Variants in MTG2 observed in about 807,000 individuals in gnomAD.
MTG2 encodes the protein mitochondrial ribosome associated GTPase 2.
Under a neutral mutation model 28.6 loss-of-function variants are expected in MTG2, and 23 were observed. The ratio of observed to expected loss-of-function variants is 0.80; its 90% CI spans 0.58 to 1.14. The LOEUF (loss-of-function observed/expected upper bound fraction) is 1.14. Ranked by LOEUF, MTG2 falls within the 50% of genes most tolerant of loss-of-function variation. MTG2 has a pLI of 0.00. For synonymous variants in MTG2, 260 were observed against 251.8 expected (o/e 1.03, Z -0.31); for missense variants, 539 against 552.0 (o/e 0.98, Z 0.24).
intron 1 of MTG2, among the ~76,000 whole-genome samples, chr20:62,193,144 A>T (rs1284900735): frequency 1.3e-5 from 2 of 152,214 alleles, no homozygotes; most frequent in Non-Finnish European, 2.9e-5. Flanking sequence ...GCTATTCCAT[A>T]AGAGGATGTG....
Position 62,200,703 on chromosome 20 carries a change from A to C in MTG2, c.847A>C (p.Ile283Leu), listed in dbSNP as rs2058152045. ...TGCAGTGGCCGACATCCCCGGCATC[A>C]TACGAGGCGCCCACCAGAACAGGGG... ...QIAVADIPGI[I>L]RGAHQNRGLG... Residue 283 changes from isoleucine to leucine, a missense_variant, in exon 7 of 7, where the codon ATA (isoleucine) becomes CTA (leucine). Coordinates refer to ENST00000370823, the MANE Select transcript of MTG2 (RefSeq NM_015666.4). 2.5e-6 allele frequency: 4 copies of C among 1,610,794 alleles called. No homozygotes were observed. The highest frequency in any genetic ancestry group is 2.2e-5 in the South Asian group (2 of 91,004).
rs141597583 is a variant in MTG2, at chr20:62,199,137, G to A, written c.706G>A (p.Gly236Arg). Reference protein sequence around the residue: ...HAGMVGFPNAGKSSLLRAISN... With the variant: ...HAGMVGFPNARKSSLLRAISN... ...CCCCCAGGTGGGATTCCCCAACGCCGGGAAGTCCTCACTGCTCCGGGCCAT... is the reference window on the plus strand; with the variant it reads ...CCCCCAGGTGGGATTCCCCAACGCCAGGAAGTCCTCACTGCTCCGGGCCAT... The change falls in exon 6 of 7, where the codon GGG becomes AGG. Residue 236 changes from glycine (G) to arginine (R), a missense_variant. Physicochemically the swap from Gly to Arg is moderately radical, Grantham distance 125. Coordinates refer to ENST00000370823, the MANE Select transcript of MTG2 (RefSeq NM_015666.4). 183 of 1,614,094 alleles carry A rather than the reference G, an allele frequency of 1.1e-4. No individual in the cohort carries two copies. The African/African-American group carries it at 1.6e-3, about 14-fold the overall frequency.
chr20:62,199,098 C>T (rs771720806), intron 5 of MTG2, 21 bp from the exon 6 acceptor site: 17 of 1,613,042 alleles, frequency 1.1e-5, no homozygotes, highest in Admixed American at 6.7e-5. Context: ...GCCGTGCCAC[C>T]GTCTTCCCTC....
intron 2 of MTG2, among the ~76,000 whole-genome samples, chr20:62,195,260 T>A (rs2058038718): frequency 6.6e-6 from 1 of 152,146 alleles, no homozygotes; most frequent in African/African-American, 2.4e-5. Context: ...CCTCACCACA[T>A]TTTTTAAATG....
chr20:62,200,711 C>T lies in MTG2; in HGVS notation c.855C>T (p.Gly285=), dbSNP rs772798244. ...CCGACATCCCCGGCATCATACGAGG[C>T]GCCCACCAGAACAGGGGTCTGGGGT... ...AVADIPGIIR[G]AHQNRGLGSA... Residue 285 remains glycine, a synonymous_variant, in exon 7 of 7, where the codon GGC becomes GGT. Coordinates refer to ENST00000370823, the MANE Select transcript of MTG2 (RefSeq NM_015666.4). The T allele has an allele frequency of 1.7e-5, 28 of 1,611,724 alleles. No homozygotes were observed. Among genetic ancestry groups the T allele is most frequent in the Admixed American group, 8.4e-5 (5 of 59,804 alleles).
chr20:62,183,892 C>T (rs918114820), intron 1 of MTG2, among the ~76,000 whole-genome samples: 1 of 152,118 alleles, frequency 6.6e-6, no homozygotes, highest in Non-Finnish European at 1.5e-5. Flanking sequence ...GGCCTTAGTC[C>T]CTTGGGAAGT....
intron 2 of MTG2, 165 bp downstream of exon 2, chr20:62,193,789 C>T (rs990191829): frequency 1.6e-5 from 11 of 701,038 alleles, no homozygotes; most frequent in Admixed American, 6.1e-5. Context: ...CGCAGGCCTG[C>T]GTGCTAAATC....
In MTG2 at chr20:62,201,359, C is replaced by A; in HGVS notation, c.*282C>A. On this transcript the variant is annotated 3_prime_UTR_variant, in exon 7 of 7. Transcript: ENST00000370823. ...CACCCCTAATAAGGGGTTGGGGTGC[C>A]CATAACGGGGTGGCCCTGCCGCTGA... 2.2e-6 allele frequency: 1 copy of A among 453,352 alleles called. No individual in the cohort carries two copies. Among genetic ancestry groups the A allele is most frequent in the Non-Finnish European group, 3.9e-6 (1 of 253,236 alleles). The allele number at this position is 453,352 out of a possible 1,614,324, so 28.1% of individuals were successfully genotyped here.
At chr20:62,193,265 G>A (rs1480304807) in intron 1 of MTG2, among the ~76,000 whole-genome samples, 151 bp from the exon 2 acceptor site, 1 of 152,192 alleles carries the variant, frequency 6.6e-6, no homozygotes, top group Non-Finnish European at 1.5e-5. Context: ...GGGCCGAGAG[G>A]GTGAGTGACC....
At chr20:62,185,193 C>T (rs541220954) in intron 1 of MTG2, among the ~76,000 whole-genome samples, 12 of 151,998 alleles carry the variant, frequency 7.9e-5, no homozygotes, top group African/African-American at 2.9e-4. Context: ...GTGGGCGGAT[C>T]ACGAGATCAG....
In MTG2 at chr20:62,201,975, A is replaced by C. The variant is rs758181666; in HGVS notation, c.*898A>C. On this transcript the variant is annotated 3_prime_UTR_variant, in exon 7 of 7. Transcript: ENST00000370823. The stretch of plus-strand genomic sequence containing the variant: ...GTAATATGGGGCGGAATTTCCACTC[A>C]GCTCCATTTGCTGGGGATTTAAAGA... 1 of 152,254 alleles carries C rather than the reference A, an allele frequency of 6.6e-6. No individual in the cohort carries two copies. The highest frequency in any genetic ancestry group is 2.4e-5 in the African/African-American group (1 of 41,450). The allele number at this position is 152,254 out of a possible 1,614,324, so 9.4% of individuals were successfully genotyped here. A position where few individuals can be genotyped will look rare whatever the true frequency, so the allele number is the denominator to read the frequency against.
At chr20:62,195,973 C>T (rs553753904) in intron 3 of MTG2, 24 bp downstream of exon 3, 5 of 1,612,344 alleles carry the variant, frequency 3.1e-6, no homozygotes, top group East Asian at 2.2e-5. Flanking sequence ...GGCAGTGCAG[C>T]GGGGTTGAGG....
At chr20:62,194,734 G>A (rs899589339) in intron 2 of MTG2, among the ~76,000 whole-genome samples, 8 of 152,242 alleles carry the variant, frequency 5.3e-5, no homozygotes, top group African/African-American at 1.9e-4. Flanking sequence ...GGGCACGTCT[G>A]TCTGTGCACG....
In MTG2 at chr20:62,195,787, TTG is replaced by T. The variant is rs1408433916; in HGVS notation, c.205-11_205-10del. 6.2e-7 allele frequency: 1 copy of T among 1,614,114 alleles called. No homozygotes were observed. The highest frequency in any genetic ancestry group is 8.5e-7 in the Non-Finnish European group (1 of 1,179,974). ...GGAGTGTTGAGATGACGTGGGATAT[TTG>T]TGTTCTCTGTAGAAAAGGTACTTTG... is the stretch of plus-strand genomic sequence containing the variant. On this transcript the variant is annotated splice_polypyrimidine_tract_variant and intron_variant, in intron 2 of 6. Coordinates refer to ENST00000370823, the MANE Select transcript of MTG2 (RefSeq NM_015666.4).
chr20:62,197,680 A>G, intron 3 of MTG2, 172 bp from the exon 4 acceptor site: 1 of 590,476 alleles, frequency 1.7e-6, no homozygotes, highest in South Asian at 2.1e-5. Flanking sequence ...TTTGAAGGAA[A>G]ATAAGGATTT....
intron 2 of MTG2, among the ~76,000 whole-genome samples, chr20:62,194,414 G>A (rs1483377426): frequency 1.3e-5 from 2 of 152,220 alleles, no homozygotes; most frequent in African/African-American, 4.8e-5. Context: ...AGTGAGTCGA[G>A]GTTTTGTCCT....
In MTG2 at chr20:62,202,500, C is replaced by G. The variant is rs2058189347; in HGVS notation, c.*1423C>G. 1 of 152,810 alleles carries G rather than the reference C, an allele frequency of 6.5e-6. No homozygotes were observed. The highest frequency in any genetic ancestry group is 2.4e-5 in the African/African-American group (1 of 41,398). 9.5% of individuals were successfully genotyped at this position (152,810 alleles called of 1,614,324 possible). A position where few individuals can be genotyped will look rare whatever the true frequency, so the allele number is the denominator to read the frequency against. On this transcript the variant is annotated 3_prime_UTR_variant, in exon 7 of 7. Coordinates refer to ENST00000370823, the MANE Select transcript of MTG2 (RefSeq NM_015666.4). ...GGGCACGGTGGCTCATGCCTGTAGT[C>G]CCAGCACTTTGGGAGGCCGAGGCTG...
chr20:62,199,097 C>T (rs528509287), intron 5 of MTG2, 22 bp from the exon 6 acceptor site: 3 of 1,613,168 alleles, frequency 1.9e-6, no homozygotes, highest in East Asian at 4.5e-5. Flanking sequence ...GGCCGTGCCA[C>T]CGTCTTCCCT....
At chr20:62,200,210 TGA>T in intron 6 of MTG2, 1 of 153,300 alleles carries the variant, frequency 6.5e-6, no homozygotes. Context: ...TTGTGCCGTT[TGA>T]GAGAATAAAA....
Sources: allele counts gnomAD v4.1 joint callset (sites outside exome capture counted in the v4.1 genomes callset), GRCh38; gene constraint gnomAD v4.1.1; transcripts MANE v1.5; gene names NCBI Gene and HGNC (gene_info 2026-07-23, HGNC 2026-07-21).